KHNYN: variants seen among roughly 807,000 people sequenced by gnomAD.
KHNYN encodes protein KHNYN.
In KHNYN, 42 loss-of-function variants were observed where a neutral mutation model predicts 62.7. The ratio of observed to expected loss-of-function variants is 0.67; its 90% CI spans 0.52 to 0.87. KHNYN has a LOEUF of 0.87. Among genes scored for constraint, KHNYN ranks in the 40% least tolerant of loss-of-function variants. The pLI is 0.00. For missense variants in KHNYN, 829 were observed against 874.1 expected, an observed-to-expected ratio of 0.95 and a Z score of 0.65; for synonymous variants, 347 against 345.6, an observed-to-expected ratio of 1.00 and a Z score of -0.04.
rs1052481816 is a variant in KHNYN at position 24,436,989 on chromosome 14, T to C, written c.1788-47T>C. On this transcript the variant is annotated intron_variant, in intron 7 of 7. Coordinates refer to ENST00000553935, the MANE Select transcript of KHNYN (RefSeq NM_015299.3). The stretch of plus-strand genomic sequence containing the variant: ...GAGGGGTGCCCACTAAGATCTAATT[T>C]CCCCCCCAGGATGCTCATCAGCTCT... 26 of 1,576,908 alleles carry C rather than the reference T, an allele frequency of 1.6e-5. No homozygotes were observed. In the Admixed American group the frequency reaches 2.9e-4, roughly 18 times the overall value.
upstream of KHNYN, chr14:24,428,259 G>T (rs535790617): frequency 1.4e-4 from 223 of 1,611,800 alleles, 3 homozygotes; most frequent in South Asian, 2.3e-3. Context: ...CTCCTGAGCC[G>T]GGGATGGGGG....
intron 7 of KHNYN, among the ~76,000 whole-genome samples, chr14:24,436,790 A>G (rs1447602805): frequency 6.6e-6 from 1 of 152,168 alleles, no homozygotes; most frequent in South Asian, 2.1e-4. Flanking sequence ...TGACCATTAC[A>G]TAAGTGATTC....
Position 24,437,525 on chromosome 14 carries a change from G to A in KHNYN, c.*240G>A, listed in dbSNP as rs531408425. On this transcript the variant is annotated 3_prime_UTR_variant, in exon 8 of 8. Transcript: ENST00000553935. This position sits in a 1 kb window ranked among gnomAD's most constrained non-coding sequence, Gnocchi z 5.5. ...ACTTCTCAACTTTGCCTTAGCACAG[G>A]GTTTCTGTAGGGAGTGGGGGCTGCT... The A allele has an allele frequency of 1.4e-3, 620 of 453,872 alleles. 7 individuals carry two copies. Among genetic ancestry groups the A allele is most frequent in the South Asian group, 0.01 (325 of 31,232 alleles). The allele number at this position is 453,872 out of a possible 1,614,324, so 28.1% of individuals were successfully genotyped here.
At chr14:24,428,171 G>T, upstream of KHNYN, 1 of 1,453,686 alleles carries the variant, frequency 6.9e-7, no homozygotes, top group Non-Finnish European at 9.3e-7. Flanking sequence ...TCCTCCCCTG[G>T]TCCTGGCCTC....
Position 24,441,228 on chromosome 14 carries a change from C to T in KHNYN, c.*3943C>T. On this transcript the variant is annotated 3_prime_UTR_variant, in exon 8 of 8. Coordinates refer to ENST00000553935, the MANE Select transcript of KHNYN (RefSeq NM_015299.3). ...CATTTATTAACTCTCTGACTTGATG[C>T]AAGTTACTTAACCTCTCTGTATAGA... 2.0e-6 allele frequency: 1 copy of T among 494,244 alleles called. No homozygotes were observed. Among genetic ancestry groups the T allele is most frequent in the South Asian group, 2.1e-5 (1 of 48,710 alleles). 30.6% of individuals were successfully genotyped at this position (494,244 alleles called of 1,614,324 possible). A position where few individuals can be genotyped will look rare whatever the true frequency, so the allele number is the denominator to read the frequency against.
At chr14:24,431,362 A>AT in intron 2 of KHNYN, 101 bp from the exon 3 acceptor site, 1 of 881,346 alleles carries the variant, frequency 1.1e-6, no homozygotes, top group Non-Finnish European at 1.7e-6. Context: ...CATCATGTGG[A>AT]TACTCCAGAC....
rs144080745 is a variant in KHNYN at position 24,431,895 on chromosome 14, C to T, written c.634C>T (p.Arg212Trp). The T allele has an allele frequency of 5.0e-6, 8 of 1,613,956 alleles. No individual in the cohort carries two copies. In the East Asian group the frequency reaches 6.7e-5, roughly 13 times the overall value. ...GPGALASWEG[R>W]SSALLGAQCQ... is the part of the protein sequence containing the mutation. The stretch of plus-strand genomic sequence containing the variant: ...AGGAGCACTGGCTTCTTGGGAGGGG[C>T]GGAGCTCAGCCTTGCTGGGTGCTCA... The change falls in exon 3 of 8, where the codon CGG becomes TGG. Residue 212 changes from arginine to tryptophan, a missense_variant. Physicochemically the swap from Arg to Trp is moderately radical, Grantham distance 101. Transcript: ENST00000553935.
In KHNYN at chr14:24,441,532, A is replaced by C; in HGVS notation, c.*4247A>C. ...TTCTTAGTGAAAGTACACAAAGGTT[A>C]GGAGAAACATGCATGGATCAAGGGC... On this transcript the variant is annotated 3_prime_UTR_variant, in exon 8 of 8. Transcript: ENST00000553935. The C allele has an allele frequency of 1.5e-6, 1 of 647,472 alleles. No individual in the cohort carries two copies. Among genetic ancestry groups the C allele is most frequent in the Non-Finnish European group, 2.5e-6 (1 of 399,004 alleles). 40.1% of individuals were successfully genotyped at this position (647,472 alleles called of 1,614,324 possible).
chr14:24,440,663 G>A lies in KHNYN; in HGVS notation c.*3378G>A. ...CCTCACACCTTCTCATCTGCAGGTT[G>A]GCTAGAAGTGGTGGCATCCTCTCAC... On this transcript the variant is annotated 3_prime_UTR_variant, in exon 8 of 8. Transcript: ENST00000553935. 7.2e-7 allele frequency: 1 copy of A among 1,388,244 alleles called. No homozygotes were observed. Among genetic ancestry groups the A allele is most frequent in the Non-Finnish European group, 1.0e-6 (1 of 999,888 alleles). The allele number at this position is 1,388,244 out of a possible 1,614,324, so 86.0% of individuals were successfully genotyped here.
upstream of KHNYN, among the ~76,000 whole-genome samples, chr14:24,425,702 A>G (rs1398356301): frequency 6.6e-6 from 1 of 152,218 alleles, no homozygotes; most frequent in Non-Finnish European, 1.5e-5. Context: ...CCTAATTAAT[A>G]TCTCATTATA....
upstream of KHNYN, chr14:24,429,841 G>C (rs952228296): frequency 1.2e-5 from 12 of 1,033,546 alleles, no homozygotes; most frequent in African/African-American, 1.9e-4. Flanking sequence ...GAGGGGACTA[G>C]GCCGAGCGGG....
At position 24,440,719 on chromosome 14, in the gene KHNYN, C is replaced by G. The variant is rs931302415; in HGVS notation, c.*3434C>G. 1 of 1,572,278 alleles carries G rather than the reference C, an allele frequency of 6.4e-7. No homozygotes were observed. The highest frequency in any genetic ancestry group is 1.4e-5 in the African/African-American group (1 of 73,580). The stretch of plus-strand genomic sequence containing the variant: ...AATTGTAATCTCAGCTCTCCTAATC[C>G]CATCACTTCCCCAGCCCAGAGAAGA... On this transcript the variant is annotated 3_prime_UTR_variant, in exon 8 of 8. Coordinates refer to ENST00000553935, the MANE Select transcript of KHNYN (RefSeq NM_015299.3).
chr14:24,430,025 G>C lies in KHNYN; in HGVS notation c.-112G>C. ...CCCGGGAAGGCCCGCCCAGATTCGG[G>C]CCCCCTGCCCTTGTCCCCTGGGCTG... On this transcript the variant is annotated 5_prime_UTR_variant, in exon 1 of 8. Transcript: ENST00000553935. The C allele has an allele frequency of 1.0e-6, 1 of 985,628 alleles. No homozygotes were observed. Among genetic ancestry groups the C allele is most frequent in the Non-Finnish European group, 1.2e-6 (1 of 829,962 alleles). 61.1% of individuals were successfully genotyped at this position (985,628 alleles called of 1,614,324 possible).
upstream of KHNYN, chr14:24,429,850 G>T (rs2043071205): frequency 9.8e-7 from 1 of 1,016,492 alleles, no homozygotes; most frequent in African/African-American, 1.7e-5. Flanking sequence ...AGGCCGAGCG[G>T]GCCCGTCGGG....
upstream of KHNYN, chr14:24,428,995 C>A (rs1389130769): frequency 1.3e-6 from 2 of 1,549,876 alleles, no homozygotes; most frequent in Admixed American, 3.9e-5. Context: ...GCACCAGAAC[C>A]AAGGGCAGCC....
upstream of KHNYN, chr14:24,429,366 G>A (rs1181281206): frequency 1.6e-5 from 10 of 625,120 alleles, no homozygotes; most frequent in Middle Eastern, 2.5e-4. Context: ...CCTGCTGGAT[G>A]GGACAGCACT....
chr14:24,430,327 G>T (rs2043082804), intron 1 of KHNYN: 2 of 716,422 alleles, frequency 2.8e-6, no homozygotes, highest in African/African-American at 1.9e-5. Context: ...GGAAATGGCA[G>T]ACCAGGGCCC....
chr14:24,436,898 C>T (rs2043213781), intron 7 of KHNYN, 138 bp from the exon 8 acceptor site: 2 of 1,133,854 alleles, frequency 1.8e-6, no homozygotes, highest in Non-Finnish European at 2.5e-6. Flanking sequence ...TACTGCCACT[C>T]AGTGGTCAGC....
Position 24,436,189 on chromosome 14 carries a change from C to A in KHNYN, c.1685+10C>A, listed in dbSNP as rs141900732. The A allele has an allele frequency of 5.6e-6, 9 of 1,604,130 alleles. No homozygotes were observed. In the East Asian group the frequency reaches 1.8e-4, roughly 32 times the overall value. On this transcript the variant is annotated intron_variant, in intron 6 of 7. Transcript: ENST00000553935. ...CAATCATCAGAGAACGGTGAGGGAG[C>A]CCTCCCGCTGAGAACTGGGCACAGA...
Sources: allele counts gnomAD v4.1 joint callset (sites outside exome capture counted in the v4.1 genomes callset), GRCh38; gene constraint gnomAD v4.1.1; non-coding constraint Gnocchi (gnomAD v3.1); transcripts MANE v1.5; gene names NCBI Gene and HGNC (gene_info 2026-07-23, HGNC 2026-07-21).